Variants in GNAI1 observed in about 807,000 individuals in gnomAD.
The protein encoded by GNAI1 is G protein subunit alpha i1.
Under a neutral mutation model 38.9 loss-of-function variants are expected in GNAI1, and 11 were observed. The observed-to-expected ratio is 0.28, with a 90% CI of 0.18 to 0.47. The LOEUF is 0.47. Ranked by LOEUF, GNAI1 falls within the 20% of genes least tolerant of loss-of-function variation. The probability of loss-of-function intolerance (pLI) is 0.99; values close to 1 mark genes in which losing one functional copy is unlikely to be tolerated. For synonymous variants in GNAI1, 166 were observed against 145.1 expected (o/e 1.14, Z -1.04); for missense variants, 317 against 436.9 (o/e 0.73, Z 2.45).
intron 1 of GNAI1, among the ~76,000 whole-genome samples, chr7:80,167,730 A>G (rs1235924240): frequency 2.6e-5 from 4 of 152,220 alleles, no homozygotes; most frequent in African/African-American, 4.8e-5. Flanking sequence ...TAGATGTGCC[A>G]TTGAGAATAT....
rs750946472 is a variant in GNAI1, at chr7:80,224,973, A to G, written c.*7480A>G. Reference sequence around the variant, plus strand: ...AAATGAAATGCTTTATTTTTCTTCCACAACAACTCTATTTGCATTGCATGG... The same window carrying G: ...AAATGAAATGCTTTATTTTTCTTCCGCAACAACTCTATTTGCATTGCATGG... On this transcript the variant is annotated 3_prime_UTR_variant, in exon 8 of 8. Coordinates refer to ENST00000649796, the MANE Select transcript of GNAI1 (RefSeq NM_002069.6). Among the ~76,000 whole-genome samples, 2 of 152,174 alleles carry G rather than the reference A, an allele frequency of 1.3e-5. No homozygotes were observed. Among genetic ancestry groups the G allele is most frequent in the Non-Finnish European group, 2.9e-5 (2 of 68,030 alleles).
At chr7:80,202,364 A>G (rs1250247107) in intron 4 of GNAI1, among the ~76,000 whole-genome samples, 2 of 152,190 alleles carry the variant, frequency 1.3e-5, no homozygotes, top group Non-Finnish European at 2.9e-5. Context: ...CTGGGATTAC[A>G]GGCGCCAGCC....
Position 80,135,115 on chromosome 7 carries a change from CACTCG to C in GNAI1, c.-45_-41del. 7.6e-7 allele frequency: 1 copy of C among 1,317,544 alleles called. No individual in the cohort carries two copies. The highest frequency in any genetic ancestry group is 1.0e-6 in the Non-Finnish European group (1 of 979,770). The allele number at this position is 1,317,544 out of a possible 1,614,324, so 81.6% of individuals were successfully genotyped here. A position where few individuals can be genotyped will look rare whatever the true frequency, so the allele number is the denominator to read the frequency against. ...AGGATTCCCCTGTGCTTGGAGCCCG[CACTCG>C]GGCGCGGAGGGAGCGGCGGCAGGCT... On this transcript the variant is annotated 5_prime_UTR_variant, in exon 1 of 8. Transcript: ENST00000649796.
chr7:80,141,571 C>T (rs1162085214), intron 1 of GNAI1, among the ~76,000 whole-genome samples: 1 of 152,216 alleles, frequency 6.6e-6, no homozygotes, highest in African/African-American at 2.4e-5. Context: ...GGGTACTGAA[C>T]TTCTCCACTC....
rs1318999897 is a variant in GNAI1, at chr7:80,135,291, G to A, written c.118+13G>A. On this transcript the variant is annotated intron_variant, in intron 1 of 7. Coordinates refer to ENST00000649796, the MANE Select transcript of GNAI1 (RefSeq NM_002069.6). ...CTGCTGCTGCTCGGTAAGGGCGGCC[G>A]GGTCGGGGCCCGGGGGTCGGCGGGG... is the stretch of plus-strand genomic sequence containing the variant. 4.9e-6 allele frequency: 7 copies of A among 1,422,454 alleles called. No homozygotes were observed. In the Admixed American group the frequency reaches 8.0e-5, roughly 16 times the overall value. 88.1% of individuals were successfully genotyped at this position (1,422,454 alleles called of 1,614,324 possible).
intron 5 of GNAI1, 44 bp downstream of exon 5, chr7:80,203,876 C>A: frequency 9.0e-7 from 1 of 1,115,356 alleles, no homozygotes; most frequent in Non-Finnish European, 1.3e-6. Flanking sequence ...TAGATAAAAA[C>A]ACATTGCTTT....
Position 80,222,550 on chromosome 7 carries a change from A to C in GNAI1, c.*5057A>C, listed in dbSNP as rs1463552825. 6.6e-6 allele frequency among the ~76,000 whole-genome samples: 1 copy of C among 151,542 alleles called. No individual in the cohort carries two copies. Among genetic ancestry groups the C allele is most frequent in the African/African-American group, 2.4e-5 (1 of 41,256 alleles). ...TTACAGGCATGCGACACTACACCCAACTAATCTTGTATTTTTAGTAGAGAC... is the reference window on the plus strand; with the variant it reads ...TTACAGGCATGCGACACTACACCCACCTAATCTTGTATTTTTAGTAGAGAC... On this transcript the variant is annotated 3_prime_UTR_variant, in exon 8 of 8. Transcript: ENST00000649796.
chr7:80,137,951 C>G (rs1787454525), intron 1 of GNAI1, among the ~76,000 whole-genome samples: 1 of 152,110 alleles, frequency 6.6e-6, no homozygotes, highest in South Asian at 2.1e-4. Context: ...AAATTGTGAC[C>G]TTTTGGTTCT....
chr7:80,163,574 C>T (rs1469705933), intron 1 of GNAI1, among the ~76,000 whole-genome samples: 1 of 152,184 alleles, frequency 6.6e-6, no homozygotes, highest in East Asian at 1.9e-4. Context: ...CTGTGTTTTA[C>T]ATTAAATTAA....
intron 1 of GNAI1, among the ~76,000 whole-genome samples, chr7:80,171,846 C>T (rs1788103487): frequency 1.3e-5 from 2 of 152,158 alleles, no homozygotes; most frequent in South Asian, 2.1e-4. Context: ...ACATTCCTTC[C>T]TCCCTCAGCT....
chr7:80,153,992 G>A (rs562444641), intron 1 of GNAI1, among the ~76,000 whole-genome samples: 253 of 152,046 alleles, frequency 1.7e-3, no homozygotes, highest in Middle Eastern at 0.014. Flanking sequence ...ACATGATCTC[G>A]GCTCACTGCA....
rs1285093106 is a variant in GNAI1, at chr7:80,221,186, T to C, written c.*3693T>C. On this transcript the variant is annotated 3_prime_UTR_variant, in exon 8 of 8. Transcript: ENST00000649796. ...CTTCAAATCCTGGCTCAATTTCTTA[T>C]TAACTGGGAAAATCTGGGCAAATAA... Among the ~76,000 whole-genome samples the C allele has an allele frequency of 6.6e-6, 1 of 152,186 alleles. No individual in the cohort carries two copies. The highest frequency in any genetic ancestry group is 1.9e-4 in the East Asian group (1 of 5,192).
intron 1 of GNAI1, among the ~76,000 whole-genome samples, chr7:80,150,438 G>T (rs1381340567): frequency 6.6e-6 from 1 of 152,186 alleles, no homozygotes; most frequent in Non-Finnish European, 1.5e-5. Context: ...TATGCACTTT[G>T]TAAAGTGATA....
chr7:80,180,946 A>G (rs1322958468), intron 1 of GNAI1, among the ~76,000 whole-genome samples: 2 of 151,966 alleles, frequency 1.3e-5, no homozygotes, highest in Non-Finnish European at 2.9e-5. Context: ...CCATTATGTG[A>G]TCATTGAAAA....
intron 1 of GNAI1, among the ~76,000 whole-genome samples, chr7:80,155,748 G>A (rs189473475): frequency 6.6e-6 from 1 of 152,104 alleles, no homozygotes; most frequent in Admixed American, 6.6e-5. Context: ...AAAATACAGT[G>A]TGTTATTGAG....
intron 5 of GNAI1, among the ~76,000 whole-genome samples, chr7:80,205,839 T>G (rs1345995467): frequency 1.3e-5 from 2 of 152,160 alleles, no homozygotes; most frequent in Non-Finnish European, 2.9e-5. Context: ...ATTTTGTCTT[T>G]TTTATTTTCA....
At chr7:80,158,066 C>G (rs949874700) in intron 1 of GNAI1, among the ~76,000 whole-genome samples, 6 of 152,140 alleles carry the variant, frequency 3.9e-5, no homozygotes, top group African/African-American at 1.4e-4. Flanking sequence ...GGTGAGGTGT[C>G]AAAGTTTTTA....
intron 1 of GNAI1, among the ~76,000 whole-genome samples, chr7:80,150,298 T>C (rs1787701077): frequency 6.6e-6 from 1 of 152,140 alleles, no homozygotes. Flanking sequence ...TGAATAAATA[T>C]GTGAGCAGGA....
intron 1 of GNAI1, among the ~76,000 whole-genome samples, chr7:80,179,636 T>C (rs865990458): frequency 3.3e-5 from 5 of 152,176 alleles, no homozygotes; most frequent in African/African-American, 1.2e-4. Context: ...TTCCCCTACG[T>C]ACAAGCTAAC....
Sources: allele counts gnomAD v4.1 joint callset (sites outside exome capture counted in the v4.1 genomes callset), GRCh38; gene constraint gnomAD v4.1.1; transcripts MANE v1.5; gene names NCBI Gene and HGNC (gene_info 2026-07-23, HGNC 2026-07-21).